The following HIBCH variants were observed in gnomAD, a reference collection of about 807,000 sequenced individuals.
HIBCH encodes 3-hydroxyisobutyryl-CoA hydrolase, mitochondrial.
A neutral mutation model predicts 58.2 loss-of-function variants in HIBCH; 50 were observed. The observed-to-expected ratio is 0.86, with a 90% CI of 0.68 to 1.09. The LOEUF (loss-of-function observed/expected upper bound fraction) is 1.09. HIBCH is among the 50% of genes least tolerant of loss of function. HIBCH has a pLI of 0.00. For synonymous variants in HIBCH, 151 were observed against 146.9 expected, an observed-to-expected ratio of 1.03 and a Z score of -0.20; for missense variants, 450 against 449.7, an observed-to-expected ratio of 1.00 and a Z score of -0.01.
intron 11 of HIBCH, among the ~76,000 whole-genome samples, chr2:190,232,696 C>T (rs533674773): frequency 1.3e-5 from 2 of 152,250 alleles, no homozygotes; most frequent in African/African-American, 4.8e-5. Flanking sequence ...TGGTGGCTCA[C>T]GCCTGTAATC....
chr2:190,294,024 A>G (rs28429888), intron 4 of HIBCH, among the ~76,000 whole-genome samples: 549 of 9,488 alleles, frequency 0.058, 1 homozygote, highest in African/African-American at 0.22. Context: ...TTTTGTGTGT[A>G]TATATATATA....
Position 190,286,967 on chromosome 2 carries a change from ACAAT to A in HIBCH, c.438+615_438+618del, listed in dbSNP as rs369758965. Among the ~76,000 whole-genome samples the A allele has an allele frequency of 2.7e-3, 405 of 152,082 alleles. 6 individuals are homozygous for A. The highest frequency in any genetic ancestry group is 9.0e-3 in the African/African-American group (372 of 41,490). On this transcript the variant is annotated intron_variant, in intron 6 of 13. Coordinates refer to ENST00000359678, the MANE Select transcript of HIBCH (RefSeq NM_014362.4). Reference sequence around the variant, plus strand: ...GCTCTATATATTAAAAGATAAAAACACAATCAGTTTCCATTGCTTAAAAAAACTT... The same window carrying A: ...GCTCTATATATTAAAAGATAAAAACACAGTTTCCATTGCTTAAAAAAACTT...
At chr2:190,226,254 G>A (rs1040925811) in intron 11 of HIBCH, among the ~76,000 whole-genome samples, 5 of 151,502 alleles carry the variant, frequency 3.3e-5, no homozygotes, top group East Asian at 3.9e-4. Context: ...GGAAGTTCTG[G>A]CCAGAGCAAT....
At chr2:190,237,562 T>G (rs1209906032) in intron 11 of HIBCH, among the ~76,000 whole-genome samples, 1 of 152,116 alleles carries the variant, frequency 6.6e-6, no homozygotes, top group East Asian at 1.9e-4. Context: ...TTTGGATAAA[T>G]CTCGCAGAGT....
chr2:190,193,563 ATTTC>A (rs1689818814), intron 1 of HIBCH, among the ~76,000 whole-genome samples: 1 of 152,110 alleles, frequency 6.6e-6, no homozygotes, highest in Non-Finnish European at 1.5e-5. Context: ...AAGATTTACA[ATTTC>A]TTTAATTGAT....
At chr2:190,307,213 C>G (rs1365872881) in intron 2 of HIBCH, among the ~76,000 whole-genome samples, 2 of 152,120 alleles carry the variant, frequency 1.3e-5, no homozygotes, top group African/African-American at 4.8e-5. Flanking sequence ...TGTGTACTGT[C>G]ATGAAAATGA....
chr2:190,223,341 C>T (rs971916435), intron 11 of HIBCH, among the ~76,000 whole-genome samples: 5 of 152,180 alleles, frequency 3.3e-5, no homozygotes, highest in African/African-American at 4.8e-5. Flanking sequence ...CTCAAGGGAT[C>T]CTCCCACCTC....
intron 1 of HIBCH, among the ~76,000 whole-genome samples, chr2:190,319,222 A>G (rs1301753702): frequency 6.6e-6 from 1 of 152,204 alleles, no homozygotes; most frequent in Non-Finnish European, 1.5e-5. Context: ...ATGCCACGTT[A>G]AATGTCCCTC....
chr2:190,225,144 C>CT (rs1685849995), intron 11 of HIBCH, among the ~76,000 whole-genome samples: 1 of 152,152 alleles, frequency 6.6e-6, no homozygotes, highest in African/African-American at 2.4e-5. Flanking sequence ...ATTTATAGAA[C>CT]TAAATGCCCA....
At chr2:190,230,133 G>A (rs1686050495) in intron 11 of HIBCH, among the ~76,000 whole-genome samples, 1 of 152,100 alleles carries the variant, frequency 6.6e-6, no homozygotes, top group Non-Finnish European at 1.5e-5. Context: ...ACTTTTGTAA[G>A]CTGTCTGTGC....
At chr2:190,245,212 T>C (rs1334609478) in intron 10 of HIBCH, 3 of 431,588 alleles carry the variant, frequency 7.0e-6, no homozygotes, top group African/African-American at 2.0e-5. Flanking sequence ...TATATTTCCA[T>C]GTAAAGAAAC....
At position 190,245,989 on chromosome 2, in the gene HIBCH, C is replaced by CAAAA. The variant is rs527873173; in HGVS notation, c.809+161_809+164dup. ...TGGGGGATAGAGCGAGACTCTGTCT[C>CAAAA]AAAAAAAAAAAAAAAAAAAGGAAGG... On this transcript the variant is annotated intron_variant, in intron 10 of 13. Coordinates refer to ENST00000359678, the MANE Select transcript of HIBCH (RefSeq NM_014362.4). Among the ~76,000 whole-genome samples, 600 of 60,226 alleles carry CAAAA rather than the reference C, an allele frequency of 1.0e-2. 3 individuals carry two copies. The highest frequency in any genetic ancestry group is 0.031 in the African/African-American group (563 of 17,978). The allele number at this position is 60,226 out of a possible 152,430, so 39.5% of individuals were successfully genotyped here.
intron 6 of HIBCH, among the ~76,000 whole-genome samples, chr2:190,285,871 A>T (rs1267037764): frequency 6.6e-6 from 1 of 152,048 alleles, no homozygotes; most frequent in Non-Finnish European, 1.5e-5. Context: ...TTTTTGAGAC[A>T]GAGTCTCACT....
At chr2:190,265,531 T>C (rs1461419438) in intron 6 of HIBCH, among the ~76,000 whole-genome samples, 1 of 152,014 alleles carries the variant, frequency 6.6e-6, no homozygotes, top group Non-Finnish European at 1.5e-5. Context: ...TTATCAGCTG[T>C]ATACCAAATA....
chr2:190,288,821 A>C (rs1234971171), intron 5 of HIBCH, among the ~76,000 whole-genome samples: 1 of 152,148 alleles, frequency 6.6e-6, no homozygotes, highest in South Asian at 2.1e-4. Context: ...TTGTCTTTAA[A>C]CTTACACCAC....
At chr2:190,283,823 A>G (rs1311596211) in intron 6 of HIBCH, among the ~76,000 whole-genome samples, 1 of 152,228 alleles carries the variant, frequency 6.6e-6, no homozygotes, top group East Asian at 1.9e-4. Flanking sequence ...AGATCACTGC[A>G]AATGATGTGA....
Position 190,214,152 on chromosome 2 carries a change from T to C in HIBCH, c.892-1077A>G, listed in dbSNP as rs1559013711. 6.6e-6 allele frequency: 1 copy of C among 152,186 alleles called. No individual in the cohort carries two copies. Among genetic ancestry groups the C allele is most frequent in the Admixed American group, 6.5e-5 (1 of 15,272 alleles). 9.4% of individuals were successfully genotyped at this position (152,186 alleles called of 1,614,324 possible). On this transcript the variant is annotated intron_variant, in intron 11 of 13. Transcript: ENST00000359678. The surrounding 1 kb of genome is among the most constrained non-coding windows in gnomAD (Gnocchi z 5.5). The stretch of plus-strand genomic sequence containing the variant: ...CAGAAGCCACAGACAAACCCAAGTC[T>C]TGTTCAGGAGACAGCGGAGGTGACA...
intron 6 of HIBCH, among the ~76,000 whole-genome samples, chr2:190,285,132 TTAAAA>T (rs1687799699): frequency 6.6e-6 from 1 of 152,360 alleles, no homozygotes; most frequent in African/African-American, 2.4e-5. Context: ...TCTACTGCCA[TTAAAA>T]TAAAATGTCA....
intron 6 of HIBCH, among the ~76,000 whole-genome samples, chr2:190,262,513 T>C (rs979271300): frequency 1.3e-5 from 2 of 152,174 alleles, no homozygotes; most frequent in Non-Finnish European, 2.9e-5. Context: ...CCAGTATATA[T>C]TCACTGCAAT....
Sources: gnomAD v4.1 joint callset for allele counts (sites outside exome capture counted in the v4.1 genomes callset) on GRCh38, gnomAD v4.1.1 for gene constraint, Gnocchi (gnomAD v3.1) non-coding constraint, MANE v1.5 for transcripts, NCBI Gene and HGNC (gene_info 2026-07-23, HGNC 2026-07-21) for gene names.